The following AP1S3 variants were observed in gnomAD, a reference collection of about 807,000 sequenced individuals.
AP1S3 encodes AP-1 complex subunit sigma-3.
AP1S3 carries 10 observed loss-of-function variants against 20.9 expected under a neutral mutation model. That is an observed-to-expected ratio of 0.48 (90% CI 0.29 to 0.81). The LOEUF (loss-of-function observed/expected upper bound fraction) is 0.81. Among genes scored for constraint, AP1S3 ranks in the 30% least tolerant of loss-of-function variants. The probability of loss-of-function intolerance (pLI) is 0.08; values close to 1 mark genes in which losing one functional copy is unlikely to be tolerated. For synonymous variants in AP1S3, 41 were observed against 61.5 expected (o/e 0.67, Z 1.56); for missense variants, 154 against 183.8 (o/e 0.84, Z 0.94).
intron 3 of AP1S3, chr2:223,770,366 G>A: frequency 6.5e-7 from 1 of 1,548,424 alleles, no homozygotes; most frequent in Non-Finnish European, 8.7e-7. Flanking sequence ...AAATTCTCCA[G>A]GAACTTCTTA....
chr2:223,806,085 G>C (rs1156549357), intron 1 of AP1S3, among the ~76,000 whole-genome samples: 1 of 152,076 alleles, frequency 6.6e-6, no homozygotes. Flanking sequence ...AAGAAAAACT[G>C]CATACCTCTC....
At chr2:223,779,141 T>G (rs956354299) in intron 1 of AP1S3, among the ~76,000 whole-genome samples, 9 of 152,266 alleles carry the variant, frequency 5.9e-5, no homozygotes, top group Admixed American at 1.3e-4. Flanking sequence ...GGAAGCAACC[T>G]GATTTTATTT....
intron 4 of AP1S3, among the ~76,000 whole-genome samples, chr2:223,763,437 A>G (rs1559274115): frequency 6.6e-6 from 1 of 151,552 alleles, no homozygotes; most frequent in African/African-American, 2.4e-5. Flanking sequence ...TCCGTTAAAA[A>G]CTCTGTTTCT....
intron 2 of AP1S3, among the ~76,000 whole-genome samples, chr2:223,776,710 C>T (rs187333770): frequency 1.3e-5 from 2 of 152,262 alleles, no homozygotes; most frequent in African/African-American, 2.4e-5. Context: ...ACCTCTCAGG[C>T]TTAGTTATCT....
intron 1 of AP1S3, among the ~76,000 whole-genome samples, chr2:223,830,598 C>T (rs1195343999): frequency 6.6e-6 from 1 of 152,114 alleles, no homozygotes. Flanking sequence ...CCCCAGTTTG[C>T]AAACCATGCC....
intron 4 of AP1S3, among the ~76,000 whole-genome samples, chr2:223,760,679 G>A (rs930452886): frequency 7.3e-5 from 11 of 150,134 alleles, no homozygotes; most frequent in Non-Finnish European, 1.6e-4. Context: ...GGAATACAAA[G>A]TTACAAATAC....
chr2:223,780,296 TATATATATATATAGAGAG>T (rs1212775692), intron 1 of AP1S3, among the ~76,000 whole-genome samples: 4 of 50,430 alleles, frequency 7.9e-5, no homozygotes, highest in African/African-American at 2.7e-4. Flanking sequence ...TATATATATA[TATATATATATATAGAGAG>T]AGAGAGAGAG....
chr2:223,837,471 C>G lies in AP1S3; in HGVS notation c.-21G>C. 1 of 1,285,644 alleles carries G rather than the reference C, an allele frequency of 7.8e-7. No homozygotes were observed. Among genetic ancestry groups the G allele is most frequent in the Non-Finnish European group, 9.9e-7 (1 of 1,014,708 alleles). 79.6% of individuals were successfully genotyped at this position (1,285,644 alleles called of 1,614,324 possible). A position where few individuals can be genotyped will look rare whatever the true frequency, so the allele number is the denominator to read the frequency against. ...ACCATCGTGGCTGGGCCGCCGCCTCCCCCGCCTTGCGAGCAAGGAGCGCTG... is the reference window on the plus strand; with the variant it reads ...ACCATCGTGGCTGGGCCGCCGCCTCGCCCGCCTTGCGAGCAAGGAGCGCTG... On this transcript the variant is annotated 5_prime_UTR_variant, in exon 1 of 5. Coordinates refer to ENST00000396654, the MANE Select transcript of AP1S3 (RefSeq NM_001039569.2).
In AP1S3 at chr2:223,832,139, G is replaced by C. The variant is rs1233905972; in HGVS notation, c.3+5309C>G. On this transcript the variant is annotated intron_variant, in intron 1 of 4. Coordinates refer to ENST00000396654, the MANE Select transcript of AP1S3 (RefSeq NM_001039569.2). ...ATTATTAAAGGAGTTTTCTCTCTGT[G>C]TGTGTGTGTGTGTGTGTGTGTGTGT... Among the ~76,000 whole-genome samples, 363 of 53,938 alleles carry C rather than the reference G, an allele frequency of 6.7e-3. 14 individuals carry two copies. Among genetic ancestry groups the C allele is most frequent in the African/African-American group, 9.7e-3 (123 of 12,678 alleles). The allele number at this position is 53,938 out of a possible 152,430, so 35.4% of individuals were successfully genotyped here. A position where few individuals can be genotyped will look rare whatever the true frequency, so the allele number is the denominator to read the frequency against.
chr2:223,818,757 T>C (rs1297239973), intron 1 of AP1S3, among the ~76,000 whole-genome samples: 2 of 152,062 alleles, frequency 1.3e-5, no homozygotes, highest in Non-Finnish European at 2.9e-5. Context: ...TCTCACCATG[T>C]TGGCCAGGCT....
At chr2:223,797,155 C>A (rs539414274) in intron 1 of AP1S3, among the ~76,000 whole-genome samples, 2 of 152,264 alleles carry the variant, frequency 1.3e-5, no homozygotes, top group Non-Finnish European at 2.9e-5. Flanking sequence ...GTGGCCTGAA[C>A]CAACTTCCCT....
Position 223,837,492 on chromosome 2 carries a change from C to A in AP1S3, c.-42G>T, listed in dbSNP as rs1574740341. On this transcript the variant is annotated 5_prime_UTR_variant, in exon 1 of 5. Coordinates refer to ENST00000396654, the MANE Select transcript of AP1S3 (RefSeq NM_001039569.2). The stretch of plus-strand genomic sequence containing the variant: ...CCTCCCCCGCCTTGCGAGCAAGGAG[C>A]GCTGGAGAAGCGAGGGCGAGAGGCG... The A allele has an allele frequency of 2.4e-6, 3 of 1,272,520 alleles. No homozygotes were observed. Among genetic ancestry groups the A allele is most frequent in the East Asian group, 3.1e-5 (1 of 32,448 alleles). The allele number at this position is 1,272,520 out of a possible 1,614,324, so 78.8% of individuals were successfully genotyped here.
chr2:223,755,618 C>T lies in AP1S3; in HGVS notation c.*3097G>A, dbSNP rs1471933744. Among the ~76,000 whole-genome samples, 1 of 149,738 alleles carries T rather than the reference C, an allele frequency of 6.7e-6. No individual in the cohort carries two copies. The highest frequency in any genetic ancestry group is 2.5e-5 in the African/African-American group (1 of 40,550). On this transcript the variant is annotated 3_prime_UTR_variant, in exon 5 of 5. Transcript: ENST00000396654. ...TGATCTCAGCTCACTGCAACCTCTG[C>T]CTCCCGGGTTCAAGCGATTCTCCTG...
intron 1 of AP1S3, among the ~76,000 whole-genome samples, chr2:223,834,361 T>C (rs1483349735): frequency 6.6e-6 from 1 of 151,592 alleles, no homozygotes; most frequent in Non-Finnish European, 1.5e-5. Flanking sequence ...GAGGACAAGG[T>C]GGGAATATTA....
intron 1 of AP1S3, among the ~76,000 whole-genome samples, chr2:223,786,854 GA>G (rs1335769189): frequency 1.3e-5 from 2 of 152,022 alleles, no homozygotes; most frequent in Admixed American, 1.3e-4. Context: ...GCAGTGAGCT[GA>G]GATCATGCCA....
chr2:223,815,823 G>C (rs1574723030), intron 1 of AP1S3, among the ~76,000 whole-genome samples: 2 of 152,208 alleles, frequency 1.3e-5, no homozygotes, highest in South Asian at 4.1e-4. Flanking sequence ...ATAGAAACAA[G>C]AGTCAGGGAC....
intron 3 of AP1S3, among the ~76,000 whole-genome samples, chr2:223,769,887 G>A (rs1690571968): frequency 6.6e-6 from 1 of 151,844 alleles, no homozygotes; most frequent in South Asian, 2.1e-4. Flanking sequence ...TGGGACTACA[G>A]GCGCCCGCTA....
At chr2:223,830,478 C>CAAAA (rs11359575) in intron 1 of AP1S3, among the ~76,000 whole-genome samples, 2 of 116,196 alleles carry the variant, frequency 1.7e-5, no homozygotes, top group African/African-American at 6.5e-5. Flanking sequence ...GACTCTCTCT[C>CAAAA]AAAAAAAAAA....
At chr2:223,788,975 C>T (rs1177978502) in intron 1 of AP1S3, among the ~76,000 whole-genome samples, 1 of 152,078 alleles carries the variant, frequency 6.6e-6, no homozygotes, top group African/African-American at 2.4e-5. Context: ...AGAGAAAAGA[C>T]CTTTAGGTAC....
Sources: gnomAD v4.1 joint callset for allele counts (sites outside exome capture counted in the v4.1 genomes callset) on GRCh38, gnomAD v4.1.1 for gene constraint, MANE v1.5 for transcripts, NCBI Gene and HGNC (gene_info 2026-07-23, HGNC 2026-07-21) for gene names.